Variants in FAM178B observed in about 807,000 individuals in gnomAD.
The protein encoded by FAM178B is family with sequence similarity 178 member B, also known as protein FAM178B.
In FAM178B, 82 loss-of-function variants were observed where a neutral mutation model predicts 91.7. The observed-to-expected ratio is 0.89, with a 90% CI of 0.75 to 1.07. The LOEUF (loss-of-function observed/expected upper bound fraction) is 1.07, where lower values mean the gene tolerates loss of function less well. Among genes scored for constraint, FAM178B ranks in the 50% least tolerant of loss-of-function variants. The pLI is 0.00. For synonymous variants in FAM178B, 368 were observed against 359.4 expected, an observed-to-expected ratio of 1.02 and a Z score of -0.27; for missense variants, 769 against 846.7, an observed-to-expected ratio of 0.91 and a Z score of 1.14.
At chr2:96,914,126 G>T (rs2153370278) in intron 12 of FAM178B, among the ~76,000 whole-genome samples, 1 of 152,346 alleles carries the variant, frequency 6.6e-6, no homozygotes, top group Admixed American at 6.5e-5. Context: ...AGATGGACGG[G>T]GCCCTCCCGC....
chr2:96,916,048 C>T (rs546434762), intron 12 of FAM178B, among the ~76,000 whole-genome samples: 2 of 152,138 alleles, frequency 1.3e-5, no homozygotes, highest in African/African-American at 4.8e-5. Context: ...AGAACTGAAT[C>T]GATGGTGGGG....
intron 7 of FAM178B, among the ~76,000 whole-genome samples, chr2:96,950,772 G>A (rs1042169137): frequency 6.6e-6 from 1 of 152,166 alleles, no homozygotes; most frequent in African/African-American, 2.4e-5. Flanking sequence ...CAGCAACCAG[G>A]AGGGAAAAAA....
At chr2:96,956,244 G>C (rs771481611) in intron 6 of FAM178B, among the ~76,000 whole-genome samples, 12 of 152,184 alleles carry the variant, frequency 7.9e-5, no homozygotes. Context: ...AAAAAGTTCA[G>C]CTCCTGCAAT....
chr2:96,935,114 T>C (rs1208580969), intron 8 of FAM178B, among the ~76,000 whole-genome samples: 2 of 152,200 alleles, frequency 1.3e-5, no homozygotes, highest in East Asian at 3.9e-4. Context: ...GAACCACTCA[T>C]ATCTGCTAGA....
chr2:96,972,920 C>T (rs1314206848), intron 1 of FAM178B, among the ~76,000 whole-genome samples: 2 of 151,846 alleles, frequency 1.3e-5, no homozygotes, highest in East Asian at 2.0e-4. Flanking sequence ...TGGGTTCAAG[C>T]GATTCTCCTG....
intron 13 of FAM178B, chr2:96,898,068 A>C: frequency 1.0e-6 from 1 of 985,602 alleles, no homozygotes; most frequent in Non-Finnish European, 1.2e-6. Context: ...GTGCCCTGCA[A>C]ATTGCTGTGC....
At chr2:96,982,483 G>A (rs536268247) in intron 1 of FAM178B, among the ~76,000 whole-genome samples, 2 of 151,992 alleles carry the variant, frequency 1.3e-5, no homozygotes, top group Admixed American at 6.6e-5. Flanking sequence ...GGCTGGTCTC[G>A]AACTCCTGAG....
intron 5 of FAM178B, among the ~76,000 whole-genome samples, chr2:96,967,060 C>T (rs918382330): frequency 1.2e-4 from 18 of 152,060 alleles, no homozygotes; most frequent in Admixed American, 7.9e-4. Context: ...TCTGATGCTC[C>T]GAAGTAGAGA....
intron 4 of FAM178B, among the ~76,000 whole-genome samples, 174 bp downstream of exon 4, chr2:96,970,542 T>C (rs1559103842): frequency 6.6e-6 from 1 of 152,118 alleles, no homozygotes; most frequent in Non-Finnish European, 1.5e-5. Flanking sequence ...CTCTCTGCCT[T>C]GGTGATGCCA....
intron 9 of FAM178B, among the ~76,000 whole-genome samples, chr2:96,923,786 C>T (rs957410435): frequency 5.3e-5 from 8 of 152,174 alleles, no homozygotes; most frequent in African/African-American, 1.7e-4. Context: ...GGGGGTCTCT[C>T]GGATGTTGCC....
chr2:96,895,229 AATC>A, intron 13 of FAM178B: 1 of 602,336 alleles, frequency 1.7e-6, no homozygotes, highest in Non-Finnish European at 2.5e-6. Flanking sequence ...CCCCCAATCT[AATC>A]ATAATACCAT....
At chr2:96,913,021 G>A (rs1458672337) in intron 12 of FAM178B, among the ~76,000 whole-genome samples, 1 of 152,204 alleles carries the variant, frequency 6.6e-6, no homozygotes, top group Non-Finnish European at 1.5e-5. Flanking sequence ...CAGAACGGCT[G>A]TTTTAAGGTA....
chr2:96,962,431 GAAAAA>G (rs984878014), intron 5 of FAM178B, among the ~76,000 whole-genome samples: 1 of 126,796 alleles, frequency 7.9e-6, no homozygotes, highest in South Asian at 2.7e-4. Flanking sequence ...TTCGTCTCAA[GAAAAA>G]AAAAAAAAGA....
chr2:96,915,661 C>T (rs1559070463), intron 12 of FAM178B, among the ~76,000 whole-genome samples: 2 of 151,656 alleles, frequency 1.3e-5, no homozygotes, highest in Non-Finnish European at 2.9e-5. Context: ...ACTAAAAATA[C>T]AAAAATTAGC....
chr2:96,945,277 C>A (rs936538758), intron 8 of FAM178B, among the ~76,000 whole-genome samples: 2 of 152,064 alleles, frequency 1.3e-5, no homozygotes, highest in South Asian at 2.1e-4. Flanking sequence ...GCCCCACCCC[C>A]CACACACACA....
chr2:96,940,370 C>T (rs1324864136), intron 8 of FAM178B, among the ~76,000 whole-genome samples: 1 of 152,210 alleles, frequency 6.6e-6, no homozygotes, highest in African/African-American at 2.4e-5. Flanking sequence ...CTCTGACTGG[C>T]TCGCTTCCCA....
intron 12 of FAM178B, among the ~76,000 whole-genome samples, chr2:96,915,276 ATT>A (rs537449028): frequency 1.4e-5 from 2 of 143,972 alleles, no homozygotes; most frequent in African/African-American, 2.5e-5. Context: ...TGCCCAGCTA[ATT>A]TTTTTTTTTT....
Position 96,923,653 on chromosome 2 carries a change from A to G in FAM178B, c.1194-70T>C, listed in dbSNP as rs954056777. The G allele has an allele frequency of 1.5e-5, 17 of 1,131,040 alleles. No individual in the cohort carries two copies. The African/African-American group carries it at 2.5e-4, about 16-fold the overall frequency. 70.1% of individuals were successfully genotyped at this position (1,131,040 alleles called of 1,614,324 possible). ...GCACAGGGGCAGGAGTGAGGCGCAAAGTGGGACACTGCTGCCCTGAGGCTG... is the reference window on the plus strand; with the variant it reads ...GCACAGGGGCAGGAGTGAGGCGCAAGGTGGGACACTGCTGCCCTGAGGCTG... On this transcript the variant is annotated intron_variant, in intron 9 of 16. Coordinates refer to ENST00000490605, the MANE Select transcript of FAM178B (RefSeq NM_001122646.3).
chr2:96,958,808 A>G (rs375354150), intron 6 of FAM178B, among the ~76,000 whole-genome samples: 1 of 150,760 alleles, frequency 6.6e-6, no homozygotes, highest in South Asian at 2.1e-4. Context: ...TATGATAGTA[A>G]TATCGAAGTT....
Sources: gnomAD v4.1 joint callset for allele counts (sites outside exome capture counted in the v4.1 genomes callset) on GRCh38, gnomAD v4.1.1 for gene constraint, MANE v1.5 for transcripts, NCBI Gene and HGNC (gene_info 2026-07-23, HGNC 2026-07-21) for gene names.